Variants in ATXN1 observed in about 807,000 individuals in gnomAD.
ATXN1 encodes ataxin 1, also known as ataxin-1.
In ATXN1, 8 loss-of-function variants were observed where a neutral mutation model predicts 56.4. The ratio of observed to expected loss-of-function variants is 0.14; its 90% CI spans 0.08 to 0.26. The LOEUF (loss-of-function observed/expected upper bound fraction) is 0.26, where lower values mean the gene tolerates loss of function less well. ATXN1 is among the 10% of genes least tolerant of loss of function. ATXN1 has a pLI of 1.00. For missense variants in ATXN1, 987 were observed against 1,106.5 expected, an observed-to-expected ratio of 0.89 and a Z score of 1.53; for synonymous variants, 514 against 494.6, an observed-to-expected ratio of 1.04 and a Z score of -0.52.
chr6:16,501,578 G>A (rs951703303), intron 5 of ATXN1, among the ~76,000 whole-genome samples: 1 of 152,094 alleles, frequency 6.6e-6, no homozygotes, highest in Non-Finnish European at 1.5e-5. Flanking sequence ...GCGGTGTTTG[G>A]TTTTCTGTTC....
intron 5 of ATXN1, among the ~76,000 whole-genome samples, chr6:16,513,224 T>A (rs956778346): frequency 5.3e-5 from 8 of 152,174 alleles, no homozygotes; most frequent in African/African-American, 1.9e-4. Flanking sequence ...TCAAACAATA[T>A]ACAACAGGGC....
At chr6:16,613,742 T>G (rs959236751) in intron 3 of ATXN1, among the ~76,000 whole-genome samples, 2 of 152,088 alleles carry the variant, frequency 1.3e-5, no homozygotes, top group Non-Finnish European at 2.9e-5. Context: ...GGCGGGAGGA[T>G]TGCTTGAGCC....
At chr6:16,744,246 C>G (rs755547359) in intron 2 of ATXN1, among the ~76,000 whole-genome samples, 2 of 152,114 alleles carry the variant, frequency 1.3e-5, no homozygotes, top group Non-Finnish European at 2.9e-5. Flanking sequence ...GAGCTATCCC[C>G]GGAGAAGAGC....
intron 3 of ATXN1, among the ~76,000 whole-genome samples, chr6:16,602,850 C>A (rs1762937398): frequency 6.6e-6 from 1 of 152,112 alleles, no homozygotes; most frequent in Non-Finnish European, 1.5e-5. Flanking sequence ...GATAGAAATG[C>A]TTTGACATCA....
Position 16,328,072 on chromosome 6 carries a change from G to A in ATXN1, c.239C>T (p.Ala80Val). ...GLQQGIGLHK[A>V]LSTGLDYSPP... ...GGAGTAGTCCAGCCCTGTGGACAAT[G>A]CTTTGTGTAAACCTATTCCCTGTTG... Residue 80 changes from alanine to valine, a missense_variant, in exon 7 of 8, where the codon GCA (alanine) becomes GTA (valine). Ala to Val is a moderately conservative substitution (Grantham distance 64, BLOSUM62 0). Coordinates refer to ENST00000436367, the MANE Select transcript of ATXN1 (RefSeq NM_001128164.2). The surrounding 1 kb of genome is among the most constrained non-coding windows in gnomAD (Gnocchi z 6.2). 3 of 1,612,924 alleles carry A rather than the reference G, an allele frequency of 1.9e-6. No homozygotes were observed. The highest frequency in any genetic ancestry group is 1.7e-6 in the Non-Finnish European group (2 of 1,179,238).
At position 16,679,372 on chromosome 6, in the gene ATXN1, GTGGATGGA is replaced by G. The variant is rs10618388; in HGVS notation, c.-614-21479_-614-21472del. On this transcript the variant is annotated intron_variant, in intron 2 of 7. Transcript: ENST00000436367. Reference sequence around the variant, plus strand: ...GATAGATAGATGGATAGGTGGGTGGGTGGATGGATGGATGGATGGATGGATGGATGGAT... The same window carrying G: ...GATAGATAGATGGATAGGTGGGTGGGTGGATGGATGGATGGATGGATGGAT... Among the ~76,000 whole-genome samples, 984 of 144,244 alleles carry G rather than the reference GTGGATGGA, an allele frequency of 6.8e-3. 6 individuals carry two copies. The highest frequency in any genetic ancestry group is 0.024 in the Middle Eastern group (7 of 286). The allele number at this position is 144,244 out of a possible 152,430, so 94.6% of individuals were successfully genotyped here.
intron 6 of ATXN1, among the ~76,000 whole-genome samples, chr6:16,420,233 G>A (rs528381269): frequency 2.6e-5 from 4 of 152,120 alleles, no homozygotes; most frequent in Admixed American, 6.5e-5. Context: ...TTACTTCCCC[G>A]GTATGAGGGC....
intron 2 of ATXN1, among the ~76,000 whole-genome samples, chr6:16,746,399 G>A (rs1760537610): frequency 6.6e-6 from 1 of 152,214 alleles, no homozygotes; most frequent in African/African-American, 2.4e-5. Flanking sequence ...TGACGCAGAA[G>A]AGAAAAGGAA....
At chr6:16,737,746 G>A (rs1455107562) in intron 2 of ATXN1, 2 of 152,092 alleles carry the variant, frequency 1.3e-5, no homozygotes, top group African/African-American at 2.4e-5. Context: ...AGTAGAAAGA[G>A]AAGCGATGGT....
intron 7 of ATXN1, among the ~76,000 whole-genome samples, chr6:16,309,516 T>G (rs774959683): frequency 6.6e-6 from 1 of 151,902 alleles, no homozygotes; most frequent in Non-Finnish European, 1.5e-5. Flanking sequence ...ATTTGAATCC[T>G]AGGAGGAGGA....
At chr6:16,475,524 G>T (rs1760309569) in intron 6 of ATXN1, among the ~76,000 whole-genome samples, 1 of 152,128 alleles carries the variant, frequency 6.6e-6, no homozygotes, top group Admixed American at 6.6e-5. Context: ...AGGTCATCAG[G>T]GTAGGTGTGG....
chr6:16,492,551 T>A (rs938835543), intron 5 of ATXN1, among the ~76,000 whole-genome samples: 1 of 59,884 alleles, frequency 1.7e-5, no homozygotes, highest in African/African-American at 6.4e-5. Flanking sequence ...TATAATACAA[T>A]ACATTTCTTT....
In ATXN1 at chr6:16,306,661, C is replaced by T. The variant is rs199795863; in HGVS notation, c.2116G>A (p.Val706Ile). ...KKGQPVDPAS[V>I]LLKHSKADGL... ...TCGGCCTTTGAGTGCTTCAGCAGGA[C>T]GCTGGCGGGATCCACGGGCTGGCCC... The change falls in exon 8 of 8, where the codon GTC becomes ATC. Residue 706 changes from valine (V) to isoleucine (I), a missense_variant. Around this residue, in one of 3 missense-constraint regions of ATXN1, gnomAD observed 196 missense variants for 196.7 expected, o/e 1.00. Coordinates refer to ENST00000436367, the MANE Select transcript of ATXN1 (RefSeq NM_001128164.2). The surrounding 1 kb of genome is among the most constrained non-coding windows in gnomAD (Gnocchi z 5.2). The T allele has an allele frequency of 4.3e-6, 7 of 1,614,222 alleles. No individual in the cohort carries two copies. The Admixed American group carries it at 1.0e-4, about 23-fold the overall frequency.
intron 6 of ATXN1, among the ~76,000 whole-genome samples, chr6:16,344,185 G>C (rs1277525765): frequency 6.6e-6 from 1 of 152,042 alleles, no homozygotes; most frequent in Non-Finnish European, 1.5e-5. Context: ...TTAGCACCCT[G>C]CTCCAACATT....
intron 5 of ATXN1, among the ~76,000 whole-genome samples, chr6:16,501,382 G>A (rs539308141): frequency 6.6e-6 from 1 of 152,256 alleles, no homozygotes; most frequent in South Asian, 2.1e-4. Context: ...AGGTATACAT[G>A]TGCCATGGTG....
In ATXN1 at chr6:16,424,316, G is replaced by A. The variant is rs1031247146; in HGVS notation, c.-161+61656C>T. The stretch of plus-strand genomic sequence containing the variant: ...GTGCATGCGCATGAATGGAGCCTGC[G>A]TGCACAAACATTCGGTGATTTGGAG... On this transcript the variant is annotated intron_variant, in intron 6 of 7. Coordinates refer to ENST00000436367, the MANE Select transcript of ATXN1 (RefSeq NM_001128164.2). Among the ~76,000 whole-genome samples, 160 of 152,156 alleles carry A rather than the reference G, an allele frequency of 1.1e-3. 12 individuals carry two copies. Among genetic ancestry groups the A allele is most frequent in the Non-Finnish European group, 1.0e-4 (7 of 68,020 alleles).
intron 4 of ATXN1, among the ~76,000 whole-genome samples, chr6:16,531,499 T>C (rs1761502566): frequency 6.6e-6 from 1 of 152,040 alleles, no homozygotes; most frequent in African/African-American, 2.4e-5. Flanking sequence ...GGCAGACACC[T>C]GTAATCTCAG....
intron 3 of ATXN1, among the ~76,000 whole-genome samples, chr6:16,631,188 A>C (rs1763497553): frequency 6.6e-6 from 1 of 152,216 alleles, no homozygotes; most frequent in African/African-American, 2.4e-5. Flanking sequence ...CCAGGGTCTT[A>C]AAGACGATAA....
intron 6 of ATXN1, among the ~76,000 whole-genome samples, chr6:16,430,722 T>TGTGTGTGTGTGTGTGTGC (rs1554146559): frequency 7.1e-6 from 1 of 140,118 alleles, no homozygotes; most frequent in African/African-American, 2.6e-5. Flanking sequence ...TGTGTGTGTG[T>TGTGTGTGTGTGTGTGTGC]GCGCGTGTGT....
Sources: allele counts gnomAD v4.1 joint callset (sites outside exome capture counted in the v4.1 genomes callset), GRCh38; gene constraint gnomAD v4.1.1; regional missense constraint gnomAD v4.1.1; non-coding constraint Gnocchi (gnomAD v3.1); transcripts MANE v1.5; gene names NCBI Gene and HGNC (gene_info 2026-07-23, HGNC 2026-07-21).